RMST: variants seen among roughly 807,000 people sequenced by gnomAD.
RMST encodes the protein long intergenic non-protein coding RNA 54.
chr12:97,552,688 T>A (rs1248468434), intron 11 of RMST, among the ~76,000 whole-genome samples: 1 of 152,208 alleles, frequency 6.6e-6, no homozygotes, highest in East Asian at 1.9e-4. Flanking sequence ...TGCACCTAAA[T>A]CCCTTTCTAT....
chr12:97,495,178 G>GGGGT (rs1555230759), intron 9 of RMST, among the ~76,000 whole-genome samples: 2,064 of 150,926 alleles, frequency 0.014, 21 homozygotes, highest in Non-Finnish European at 0.021. Flanking sequence ...TATTCTTATG[G>GGGGT]GGGGGGAGCC....
chr12:97,489,896 G>A (rs1418142239), intron 5 of RMST, among the ~76,000 whole-genome samples: 1 of 152,094 alleles, frequency 6.6e-6, no homozygotes, highest in African/African-American at 2.4e-5. Context: ...TATAGACAGT[G>A]GAACTAAGTC....
intron 10 of RMST, among the ~76,000 whole-genome samples, chr12:97,522,605 A>C (rs1880625509): frequency 6.6e-6 from 1 of 152,204 alleles, no homozygotes; most frequent in Non-Finnish European, 1.5e-5. Context: ...TTTTAAACTC[A>C]GAAGTTTGAA....
chr12:97,529,950 A>G (rs959965489), intron 10 of RMST, among the ~76,000 whole-genome samples: 1 of 152,108 alleles, frequency 6.6e-6, no homozygotes, highest in Admixed American at 6.6e-5. Context: ...TAGTTTTCTA[A>G]TGTTATTATA....
chr12:97,495,183 G>GA (rs1326825149), intron 9 of RMST, among the ~76,000 whole-genome samples: 1 of 150,752 alleles, frequency 6.6e-6, no homozygotes, highest in Non-Finnish European at 1.5e-5. Context: ...TTATGGGGGG[G>GA]GAGCCGCTGG....
intron 11 of RMST, among the ~76,000 whole-genome samples, chr12:97,551,171 T>TAAA (rs371319102): frequency 0.015 from 2,037 of 132,278 alleles, 26 homozygotes; most frequent in South Asian, 0.021. Flanking sequence ...TCATTGTTTT[T>TAAA]AAAAAAAAAA....
intron 5 of RMST, among the ~76,000 whole-genome samples, chr12:97,474,644 A>AG: frequency 6.6e-6 from 1 of 151,690 alleles, no homozygotes; most frequent in Non-Finnish European, 1.5e-5. Flanking sequence ...AAAAAAAAAA[A>AG]ACCTTGAGAA....
intron 10 of RMST, among the ~76,000 whole-genome samples, chr12:97,512,619 A>G (rs1164873307): frequency 1.3e-5 from 2 of 152,136 alleles, no homozygotes; most frequent in African/African-American, 4.8e-5. Flanking sequence ...GTGTTTACAA[A>G]CCTTGAGCTA....
intron 10 of RMST, among the ~76,000 whole-genome samples, chr12:97,512,213 T>C (rs1879411487): frequency 6.6e-6 from 1 of 151,940 alleles, no homozygotes; most frequent in African/African-American, 2.4e-5. Flanking sequence ...GCGTCTGGCG[T>C]TCCTCCCGGT....
In RMST at chr12:97,549,478, T is replaced by A. The variant is rs563147011; in HGVS notation, n.1546-11059T>A. On this transcript the variant is annotated intron_variant and non_coding_transcript_variant, in intron 11 of 13. Coordinates refer to ENST00000640149, the Ensembl canonical transcript of RMST. ...GCCCGAAAGGGCAATAAATTAGGCCTCTCTTAGGCCTGAGTGAATAAGAAA... is the reference window on the plus strand; with the variant it reads ...GCCCGAAAGGGCAATAAATTAGGCCACTCTTAGGCCTGAGTGAATAAGAAA... Among the ~76,000 whole-genome samples, 3 of 152,300 alleles carry A rather than the reference T, an allele frequency of 2.0e-5. No homozygotes were observed. In the East Asian group the frequency reaches 5.8e-4, roughly 29 times the overall value.
At chr12:97,498,616 TA>T (rs1669590336) in intron 10 of RMST, among the ~76,000 whole-genome samples, 5 of 152,090 alleles carry the variant, frequency 3.3e-5, no homozygotes, top group Admixed American at 1.3e-4. Context: ...AAATGTTGCC[TA>T]AAATTACCTG....
intron 5 of RMST, among the ~76,000 whole-genome samples, chr12:97,472,858 G>GATTT (rs1476166746): frequency 1.3e-5 from 2 of 152,206 alleles, no homozygotes; most frequent in Non-Finnish European, 2.9e-5. Flanking sequence ...ACTTCGGAAA[G>GATTT]ATTTTCAATC....
At chr12:97,482,991 A>C (rs1875607935) in intron 5 of RMST, among the ~76,000 whole-genome samples, 1 of 151,922 alleles carries the variant, frequency 6.6e-6, no homozygotes, top group Admixed American at 6.6e-5. Flanking sequence ...AATTTGTCTC[A>C]CACTTTCACC....
chr12:97,557,240 T>C (rs1883767328), intron 11 of RMST, among the ~76,000 whole-genome samples: 1 of 152,204 alleles, frequency 6.6e-6, no homozygotes, highest in Non-Finnish European at 1.5e-5. Flanking sequence ...CAACTTAATG[T>C]TTTTATCACT....
chr12:97,501,976 A>G (rs944987018), intron 10 of RMST, among the ~76,000 whole-genome samples: 3 of 152,172 alleles, frequency 2.0e-5, no homozygotes, highest in African/African-American at 7.2e-5. Context: ...CTAACTCAGT[A>G]TTAGTATGAG....
chr12:97,536,299 A>G, intron 11 of RMST, among the ~76,000 whole-genome samples: 1 of 140,498 alleles, frequency 7.1e-6, no homozygotes, highest in African/African-American at 3.0e-5. Flanking sequence ...AAAACATGCA[A>G]AATAATTGAA....
chr12:97,528,878 T>A (rs899248168), intron 10 of RMST, among the ~76,000 whole-genome samples: 4 of 152,132 alleles, frequency 2.6e-5, no homozygotes, highest in Non-Finnish European at 4.4e-5. Flanking sequence ...AGAAACAGCT[T>A]ATTTCCAAAT....
At chr12:97,533,271 G>T (rs1301195183) in intron 11 of RMST, 3 of 151,810 alleles carry the variant, frequency 2.0e-5, no homozygotes, top group Non-Finnish European at 4.4e-5. Context: ...TCCTGAAGGG[G>T]TTAGGAATAA....
chr12:97,550,120 C>T (rs1247171782), intron 11 of RMST, among the ~76,000 whole-genome samples: 7 of 152,228 alleles, frequency 4.6e-5, no homozygotes, highest in African/African-American at 1.7e-4. Context: ...ATTGTATTGA[C>T]AGCCGTTAAA....
Sources: gnomAD v4.1 joint callset for allele counts (sites outside exome capture counted in the v4.1 genomes callset) on GRCh38, gnomAD v4.1.1 for gene constraint, MANE v1.5 for transcripts, NCBI Gene and HGNC (gene_info 2026-07-23, HGNC 2026-07-21) for gene names.